Variants in MEGF9 observed in about 807,000 individuals in gnomAD.
MEGF9 encodes multiple EGF like domains 9, also known as multiple epidermal growth factor-like domains protein 9.
A neutral mutation model predicts 46.8 loss-of-function variants in MEGF9; 6 were observed. That is an observed-to-expected ratio of 0.13 (90% CI 0.07 to 0.25). The LOEUF is 0.25. MEGF9 is among the 10% of genes least tolerant of loss of function. The pLI, the probability that MEGF9 is intolerant of heterozygous loss-of-function variation, is 1.00. For missense variants in MEGF9, 683 were observed against 792.4 expected (o/e 0.86, Z 1.66); for synonymous variants, 302 against 330.7 (o/e 0.91, Z 0.94).
At chr9:120,621,800 A>G (rs887871388) in intron 3 of MEGF9, among the ~76,000 whole-genome samples, 1 of 152,168 alleles carries the variant, frequency 6.6e-6, no homozygotes, top group Non-Finnish European at 1.5e-5. Flanking sequence ...TAATGAGAGA[A>G]TTACTTCAAT....
intron 1 of MEGF9, among the ~76,000 whole-genome samples, chr9:120,666,299 A>T (rs886067864): frequency 2.0e-5 from 3 of 152,192 alleles, no homozygotes; most frequent in African/African-American, 7.2e-5. Context: ...TCTAAGTCCA[A>T]AAGATATATC....
In MEGF9 at chr9:120,714,197, C is replaced by A. The variant is rs941675154; in HGVS notation, c.162G>T (p.Ser54=). The A allele has an allele frequency of 1.9e-5, 23 of 1,234,798 alleles. No homozygotes were observed. In the East Asian group the frequency reaches 4.4e-4, roughly 24 times the overall value. 76.5% of individuals were successfully genotyped at this position (1,234,798 alleles called of 1,614,324 possible). Residue 54 remains serine, a synonymous_variant, in exon 1 of 6, where the codon TCG becomes TCT. Transcript: ENST00000373930. The part of the protein sequence containing the change: ...GGGAAGQVDA[S]PGPGLRGEPS... ...GCTCGCCCCGCAACCCGGGGCCCGG[C>A]GACGCGTCCACCTGCCCCGCGGCCC...
At chr9:120,710,446 A>AAC (rs2043948170) in intron 1 of MEGF9, among the ~76,000 whole-genome samples, 1 of 149,922 alleles carries the variant, frequency 6.7e-6, no homozygotes, top group Admixed American at 6.7e-5. Flanking sequence ...AAAAAAAAAA[A>AAC]GTCCTACCCA....
intron 1 of MEGF9, among the ~76,000 whole-genome samples, chr9:120,702,605 C>A (rs1348136521): frequency 6.6e-6 from 1 of 152,174 alleles, no homozygotes; most frequent in Non-Finnish European, 1.5e-5. Flanking sequence ...AATGTAAGTT[C>A]ATAAATTACC....
Position 120,628,468 on chromosome 9 carries a change from G to GTTTTTT in MEGF9, c.804-5719_804-5714dup, listed in dbSNP as rs1170322238. On this transcript the variant is annotated intron_variant, in intron 2 of 5. Transcript: ENST00000373930. ...TATTCAGACAGAAATTCTTGTCGTT[G>GTTTTTT]TTTTTTTTTTTTTTTTTTTTTTTTT... Among the ~76,000 whole-genome samples, 80 of 69,054 alleles carry GTTTTTT rather than the reference G, an allele frequency of 1.2e-3. 17 individuals carry two copies. Among genetic ancestry groups the GTTTTTT allele is most frequent in the East Asian group, 2.3e-3 (5 of 2,194 alleles). The allele number at this position is 69,054 out of a possible 152,430, so 45.3% of individuals were successfully genotyped here. A position where few individuals can be genotyped will look rare whatever the true frequency, so the allele number is the denominator to read the frequency against.
chr9:120,625,380 T>C (rs1338259188), intron 2 of MEGF9, among the ~76,000 whole-genome samples: 1 of 152,006 alleles, frequency 6.6e-6, no homozygotes, highest in Non-Finnish European at 1.5e-5. Flanking sequence ...ACTTGGTGGG[T>C]GGGGTGAAAC....
At chr9:120,644,132 G>A (rs1032818814) in intron 2 of MEGF9, among the ~76,000 whole-genome samples, 3 of 151,824 alleles carry the variant, frequency 2.0e-5, no homozygotes, top group African/African-American at 4.8e-5. Flanking sequence ...CCATTTTTTC[G>A]GTTCCAGAAT....
At chr9:120,709,089 T>C (rs2043941292) in intron 1 of MEGF9, among the ~76,000 whole-genome samples, 1 of 152,148 alleles carries the variant, frequency 6.6e-6, no homozygotes, top group Non-Finnish European at 1.5e-5. Context: ...GAGTATTATG[T>C]TCAGCTCTGT....
At chr9:120,643,853 T>C (rs1017392103) in intron 2 of MEGF9, among the ~76,000 whole-genome samples, 1 of 151,852 alleles carries the variant, frequency 6.6e-6, no homozygotes, top group African/African-American at 2.4e-5. Context: ...CACCACCAAG[T>C]AGCTGGGACT....
chr9:120,654,396 AT>A (rs1255800905), intron 2 of MEGF9, among the ~76,000 whole-genome samples: 32 of 152,298 alleles, frequency 2.1e-4, no homozygotes, highest in African/African-American at 7.7e-4. Context: ...GACGTATGGA[AT>A]ATATCATGAT....
intron 2 of MEGF9, among the ~76,000 whole-genome samples, chr9:120,633,002 T>C (rs1001955044): frequency 6.6e-6 from 1 of 152,168 alleles, no homozygotes; most frequent in Non-Finnish European, 1.5e-5. Context: ...AAGTATTCTG[T>C]TGGGGATTTA....
chr9:120,668,279 A>C (rs2043734165), intron 1 of MEGF9, among the ~76,000 whole-genome samples: 1 of 152,212 alleles, frequency 6.6e-6, no homozygotes, highest in South Asian at 2.1e-4. Flanking sequence ...ATGTTATGCC[A>C]AGGTATTGCC....
At chr9:120,651,733 ACCT>A (rs2043650368) in intron 2 of MEGF9, among the ~76,000 whole-genome samples, 1 of 150,976 alleles carries the variant, frequency 6.6e-6, no homozygotes, top group South Asian at 2.1e-4. Flanking sequence ...GCACACTGCA[ACCT>A]CCGCCTCCCC....
At chr9:120,628,951 C>T (rs991404008) in intron 2 of MEGF9, among the ~76,000 whole-genome samples, 1 of 152,056 alleles carries the variant, frequency 6.6e-6, no homozygotes, top group African/African-American at 2.4e-5. Context: ...CTCATGAGTA[C>T]AACACTCCAG....
chr9:120,689,461 A>C (rs1300109496), intron 1 of MEGF9, among the ~76,000 whole-genome samples: 1 of 152,178 alleles, frequency 6.6e-6, no homozygotes, highest in Admixed American at 6.5e-5. Context: ...TCAGATCTAC[A>C]TCTTAGAAAC....
At chr9:120,609,306 T>A (rs956308917) in intron 4 of MEGF9, among the ~76,000 whole-genome samples, 3 of 12,530 alleles carry the variant, frequency 2.4e-4, no homozygotes, top group Non-Finnish European at 5.7e-4. Context: ...CTCTTGTCTC[T>A]CTTTCTAGTT....
rs1052344612 is a variant in MEGF9 at position 120,643,700 on chromosome 9, C to CT, written c.803+15673dup. Among the ~76,000 whole-genome samples the CT allele has an allele frequency of 2.2e-3, 330 of 146,920 alleles. 1 individual carries two copies. Among genetic ancestry groups the CT allele is most frequent in the African/African-American group, 7.2e-3 (291 of 40,166 alleles). ...ATTCATCCAGCTTCCACTAATGTTT[C>CT]TTTTTTTTTTCTTTTTTTTTTTGAG... On this transcript the variant is annotated intron_variant, in intron 2 of 5. Coordinates refer to ENST00000373930, the MANE Select transcript of MEGF9 (RefSeq NM_001080497.3).
chr9:120,656,856 G>C (rs554766688), intron 2 of MEGF9, among the ~76,000 whole-genome samples: 60 of 152,302 alleles, frequency 3.9e-4, no homozygotes, highest in South Asian at 3.7e-3. Flanking sequence ...GCCAACGCAG[G>C]AGGATCGCTT....
At chr9:120,622,530 T>G (rs1248255014) in intron 3 of MEGF9, 86 bp downstream of exon 3, 1 of 1,439,624 alleles carries the variant, frequency 6.9e-7, no homozygotes, top group African/African-American at 1.4e-5. Context: ...CCAAACTATT[T>G]CAGAAGAATC....
Sources: allele counts gnomAD v4.1 joint callset (sites outside exome capture counted in the v4.1 genomes callset), GRCh38; gene constraint gnomAD v4.1.1; transcripts MANE v1.5; gene names NCBI Gene and HGNC (gene_info 2026-07-23, HGNC 2026-07-21).